Variants in BTRC observed in about 807,000 individuals in gnomAD.
BTRC encodes F-box/WD repeat-containing protein 1A.
BTRC carries 42 observed loss-of-function variants against 85.5 expected under a neutral mutation model. That is an observed-to-expected ratio of 0.49 (90% CI 0.38 to 0.64). BTRC has a LOEUF of 0.64. Ranked by LOEUF, BTRC falls within the 30% of genes least tolerant of loss-of-function variation. BTRC has a pLI of 0.00. For synonymous variants in BTRC, 255 were observed against 263.3 expected, an observed-to-expected ratio of 0.97 and a Z score of 0.30; for missense variants, 594 against 743.5, an observed-to-expected ratio of 0.80 and a Z score of 2.34.
At chr10:101,401,745 G>C (rs190841925) in intron 1 of BTRC, among the ~76,000 whole-genome samples, 30 of 151,610 alleles carry the variant, frequency 2.0e-4, no homozygotes, top group African/African-American at 7.3e-4. Context: ...GGCTGAGTCG[G>C]GAGGATCTCT....
chr10:101,398,730 T>G (rs1943424854), intron 1 of BTRC, among the ~76,000 whole-genome samples: 1 of 152,210 alleles, frequency 6.6e-6, no homozygotes, highest in South Asian at 2.1e-4. Flanking sequence ...GTTCCTGTGT[T>G]GTGGTTGAAA....
At chr10:101,381,696 A>G (rs1942932240) in intron 1 of BTRC, among the ~76,000 whole-genome samples, 1 of 152,152 alleles carries the variant, frequency 6.6e-6, no homozygotes, top group African/African-American at 2.4e-5. Flanking sequence ...ACACACGATG[A>G]TAACTCATAT....
At position 101,522,409 on chromosome 10, in the gene BTRC, C is replaced by CTTTTTTTTTTTTTTTTTTTTTT. The variant is rs1176651688; in HGVS notation, c.556+546_556+567dup. 3.0e-4 allele frequency among the ~76,000 whole-genome samples: 9 copies of CTTTTTTTTTTTTTTTTTTTTTT among 29,544 alleles called. 3 individuals carry two copies. Among genetic ancestry groups the CTTTTTTTTTTTTTTTTTTTTTT allele is most frequent in the Non-Finnish European group, 3.4e-4 (6 of 17,672 alleles). The allele number at this position is 29,544 out of a possible 152,430, so 19.4% of individuals were successfully genotyped here. ...AAAAAAACTCTAGAAATAAAGACTC[C>CTTTTTTTTTTTTTTTTTTTTTT]TTTTTTTTTTTTTTTTTTTTTTTTT... is the stretch of plus-strand genomic sequence containing the variant. On this transcript the variant is annotated intron_variant, in intron 5 of 14. Transcript: ENST00000370187.
In BTRC at chr10:101,553,916, C is replaced by T. The variant is rs1256346181; in HGVS notation, c.*793C>T. 6.6e-6 allele frequency: 1 copy of T among 152,556 alleles called. No individual in the cohort carries two copies. Among genetic ancestry groups the T allele is most frequent in the Non-Finnish European group, 1.5e-5 (1 of 68,060 alleles). The allele number at this position is 152,556 out of a possible 1,614,324, so 9.5% of individuals were successfully genotyped here. On this transcript the variant is annotated 3_prime_UTR_variant, in exon 15 of 15. Coordinates refer to ENST00000370187, the MANE Select transcript of BTRC (RefSeq NM_033637.4). The stretch of plus-strand genomic sequence containing the variant: ...ACACTTGGAAGAGTTAAATGCTGTT[C>T]AGTGAAGATTTCAGCCCCAGGCCTT...
intron 1 of BTRC, among the ~76,000 whole-genome samples, chr10:101,357,717 T>G (rs917351713): frequency 1.3e-5 from 2 of 152,308 alleles, no homozygotes; most frequent in East Asian, 1.9e-4. Flanking sequence ...TAAAGTGCCT[T>G]GATAAAGAAT....
chr10:101,468,550 T>C (rs1366574221), intron 3 of BTRC, among the ~76,000 whole-genome samples: 1 of 152,214 alleles, frequency 6.6e-6, no homozygotes, highest in East Asian at 1.9e-4. Context: ...TAAAACCCAC[T>C]TCCAGCTTCC....
chr10:101,545,777 C>G (rs1397756648), intron 13 of BTRC, among the ~76,000 whole-genome samples: 1 of 152,180 alleles, frequency 6.6e-6, no homozygotes, highest in Non-Finnish European at 1.5e-5. Flanking sequence ...ACCCCTAGCC[C>G]TGATGGACCA....
chr10:101,395,579 T>C (rs2133990034), intron 1 of BTRC, among the ~76,000 whole-genome samples: 1 of 152,340 alleles, frequency 6.6e-6, no homozygotes, highest in Admixed American at 6.5e-5. Context: ...AAATTGTTAT[T>C]TCAGAATTTG....
chr10:101,475,600 C>G (rs79971606), intron 3 of BTRC, among the ~76,000 whole-genome samples: 13 of 152,028 alleles, frequency 8.6e-5, no homozygotes, highest in Admixed American at 2.0e-4. Context: ...AGTTATATAT[C>G]TCTACTATTT....
At chr10:101,445,533 C>A (rs1347134134) in intron 2 of BTRC, among the ~76,000 whole-genome samples, 1 of 152,156 alleles carries the variant, frequency 6.6e-6, no homozygotes, top group East Asian at 1.9e-4. Context: ...ACTTCACCCG[C>A]CTGAAACTAA....
chr10:101,489,568 T>G (rs925236452), intron 4 of BTRC, among the ~76,000 whole-genome samples: 3 of 152,270 alleles, frequency 2.0e-5, no homozygotes, highest in Middle Eastern at 3.4e-3. Flanking sequence ...ACCTGAGCCT[T>G]CCTTTTGAAC....
At chr10:101,494,174 A>T (rs1260630562) in intron 4 of BTRC, among the ~76,000 whole-genome samples, 6 of 152,210 alleles carry the variant, frequency 3.9e-5, no homozygotes, top group Non-Finnish European at 8.8e-5. Context: ...GGCCAGGTTA[A>T]TGTGACCAGC....
At chr10:101,532,843 C>G (rs1367617086) in intron 8 of BTRC, 109 bp from the exon 9 acceptor site, 5 of 905,262 alleles carry the variant, frequency 5.5e-6, no homozygotes, top group African/African-American at 5.0e-5. Context: ...GCATTCCACA[C>G]TACTCTGGGC....
intron 1 of BTRC, among the ~76,000 whole-genome samples, chr10:101,358,154 G>A (rs1590194056): frequency 6.6e-6 from 1 of 152,182 alleles, no homozygotes; most frequent in African/African-American, 2.4e-5. Context: ...ATGTTGCCCA[G>A]GCTAGAGTGC....
intron 11 of BTRC, 89 bp downstream of exon 11, chr10:101,535,561 T>C (rs1487569458): frequency 3.3e-6 from 3 of 915,762 alleles, no homozygotes; most frequent in Non-Finnish European, 4.8e-6. Context: ...TTCAATTTTG[T>C]TATGTTTATA....
chr10:101,465,283 T>C (rs1945343904), intron 3 of BTRC, among the ~76,000 whole-genome samples: 1 of 152,200 alleles, frequency 6.6e-6, no homozygotes, highest in Non-Finnish European at 1.5e-5. Flanking sequence ...TTCAGTTATC[T>C]TCTAGCAATT....
intron 4 of BTRC, among the ~76,000 whole-genome samples, chr10:101,486,279 A>T (rs1589535961): frequency 6.6e-6 from 1 of 152,310 alleles, no homozygotes; most frequent in South Asian, 2.1e-4. Flanking sequence ...TCTGACTTGT[A>T]ATAACGTCGG....
intron 1 of BTRC, among the ~76,000 whole-genome samples, chr10:101,410,984 G>A (rs902656632): frequency 1.3e-4 from 18 of 141,332 alleles, no homozygotes; most frequent in Non-Finnish European, 2.6e-4. Context: ...ATTGACATTT[G>A]TATTTCTGGC....
intron 3 of BTRC, among the ~76,000 whole-genome samples, chr10:101,466,501 C>G (rs1945376805): frequency 6.6e-6 from 1 of 152,170 alleles, no homozygotes; most frequent in Non-Finnish European, 1.5e-5. Flanking sequence ...TTTTCCTCCC[C>G]CATGCACCTC....
Sources: allele counts gnomAD v4.1 joint callset (sites outside exome capture counted in the v4.1 genomes callset), GRCh38; gene constraint gnomAD v4.1.1; transcripts MANE v1.5; gene names NCBI Gene and HGNC (gene_info 2026-07-23, HGNC 2026-07-21).